PDE4D: variants seen among roughly 807,000 people sequenced by gnomAD.
PDE4D encodes phosphodiesterase 4D, also known as 3',5'-cyclic-AMP phosphodiesterase 4D.
A neutral mutation model predicts 87.4 loss-of-function variants in PDE4D; 24 were observed. The observed-to-expected ratio is 0.27, with a 90% CI of 0.20 to 0.39. PDE4D has a LOEUF of 0.39. Among genes scored for constraint, PDE4D ranks in the 10% least tolerant of loss-of-function variants. PDE4D has a pLI of 1.00. For synonymous variants in PDE4D, 384 were observed against 383.2 expected (o/e 1.00, Z -0.02); for missense variants, 714 against 1,041.0 (o/e 0.69, Z 4.32).
At chr5:60,117,677 T>C (rs1182218647) in intron 2 of PDE4D, among the ~76,000 whole-genome samples, 1 of 152,134 alleles carries the variant, frequency 6.6e-6, no homozygotes, top group Non-Finnish European at 1.5e-5. Context: ...CCTCGCCATC[T>C]TGAATAGTTA....
chr5:60,375,844 T>C (rs527415216), intron 1 of PDE4D, among the ~76,000 whole-genome samples: 3 of 152,158 alleles, frequency 2.0e-5, no homozygotes. Context: ...ATTGAGACCA[T>C]CCTGGCCAAC....
intron 1 of PDE4D, among the ~76,000 whole-genome samples, chr5:60,305,708 T>TAA (rs34949876): frequency 0.029 from 4,109 of 141,628 alleles, 165 homozygotes; most frequent in African/African-American, 0.099. Flanking sequence ...ACTTCTTACT[T>TAA]AAAAAAAAAA....
chr5:59,684,913 A>G (rs539446742), intron 1 of PDE4D, among the ~76,000 whole-genome samples: 2 of 152,290 alleles, frequency 1.3e-5, no homozygotes, highest in East Asian at 3.9e-4. Context: ...CTCAGAGTCA[A>G]ACTTGGATCA....
intron 1 of PDE4D, among the ~76,000 whole-genome samples, chr5:59,409,014 AG>A (rs1306800228): frequency 2.6e-5 from 4 of 151,974 alleles, no homozygotes; most frequent in Non-Finnish European, 4.4e-5. Flanking sequence ...TGGGCATGAC[AG>A]CGGGTGCCTG....
intron 1 of PDE4D, among the ~76,000 whole-genome samples, chr5:60,304,651 C>CAAAAAAAAAAAAAAAAAAAAAAAAAA (rs70975379): frequency 1.7e-5 from 1 of 60,086 alleles, no homozygotes; most frequent in African/African-American, 7.8e-5. Flanking sequence ...GACTCCGTCT[C>CAAAAAAAAAAAAAAAAAAAAAAAAAA]AAAAAAAAAA....
chr5:59,887,525 T>C (rs1213472164), intron 1 of PDE4D, among the ~76,000 whole-genome samples: 3 of 152,178 alleles, frequency 2.0e-5, no homozygotes, highest in African/African-American at 4.8e-5. Flanking sequence ...TTTAAACCTG[T>C]AGATGGATAA....
In PDE4D at chr5:60,126,136, T is replaced by C. The variant is rs564691549; in HGVS notation, c.42+59421A>G. Among the ~76,000 whole-genome samples, 35 of 151,816 alleles carry C rather than the reference T, an allele frequency of 2.3e-4. 1 individual carries two copies. In the South Asian group the frequency reaches 7.1e-3, roughly 31 times the overall value. On this transcript the variant is annotated intron_variant, in intron 2 of 16. Coordinates refer to the PDE4D transcript ENST00000502484. ...CAAGAACAGCCTAAATTGTAATACA[T>C]ATTCAACATTTGACTCGAATAGTGA...
chr5:59,843,803 G>A (rs1186640328), intron 1 of PDE4D, among the ~76,000 whole-genome samples: 1 of 152,092 alleles, frequency 6.6e-6, no homozygotes, highest in Non-Finnish European at 1.5e-5. Flanking sequence ...CCAGGAAGGA[G>A]CTAGATTGAC....
At chr5:59,318,245 T>C (rs767605821) in intron 1 of PDE4D, among the ~76,000 whole-genome samples, 24 of 152,304 alleles carry the variant, frequency 1.6e-4, no homozygotes, top group Non-Finnish European at 2.8e-4. Context: ...TTGTTTCACA[T>C]TGGTCTTTTC....
At chr5:60,416,099 C>G (rs1443962443) in intron 1 of PDE4D, among the ~76,000 whole-genome samples, 1 of 152,042 alleles carries the variant, frequency 6.6e-6, no homozygotes, top group African/African-American at 2.4e-5. Flanking sequence ...TGTAAATACA[C>G]CAATCGACAC....
intron 1 of PDE4D, among the ~76,000 whole-genome samples, chr5:59,400,919 T>G (rs1205638288): frequency 6.6e-6 from 1 of 152,146 alleles, no homozygotes; most frequent in Non-Finnish European, 1.5e-5. Flanking sequence ...TAAATATGCA[T>G]GTATGCATAT....
Position 59,893,392 on chromosome 5 carries a change from C to A in PDE4D, c.231G>T (p.Pro77=). ...PQPQCPLQPP[P]PPPLPPPPPP... ...GCGGGGGCGGCGGCAGGGGGGGCGGCGGCGGCGGCTGTAGCGGACACTGGG... is the reference window on the plus strand; with the variant it reads ...GCGGGGGCGGCGGCAGGGGGGGCGGAGGCGGCGGCTGTAGCGGACACTGGG... The change falls in exon 1 of 15, where the codon CCG becomes CCT. Residue 77 remains proline (P), a synonymous_variant. Coordinates refer to ENST00000340635, the MANE Select transcript of PDE4D (RefSeq NM_001104631.2). 1 of 1,274,394 alleles carries A rather than the reference C, an allele frequency of 7.8e-7. No homozygotes were observed. The highest frequency in any genetic ancestry group is 9.9e-7 in the Non-Finnish European group (1 of 1,007,860). 78.9% of individuals were successfully genotyped at this position (1,274,394 alleles called of 1,614,324 possible).
chr5:59,186,153 T>C (rs776196967), intron 3 of PDE4D, among the ~76,000 whole-genome samples: 1 of 152,046 alleles, frequency 6.6e-6, no homozygotes, highest in Non-Finnish European at 1.5e-5. Flanking sequence ...ACAGCTAGAG[T>C]GCTAAGTTTA....
In PDE4D at chr5:59,360,735, G is replaced by A. The variant is rs560837641; in HGVS notation, c.456-144767C>T. 4.7e-4 allele frequency among the ~76,000 whole-genome samples: 72 copies of A among 152,188 alleles called. 1 individual carries two copies. The highest frequency in any genetic ancestry group is 1.6e-3 in the African/African-American group (68 of 41,538). On this transcript the variant is annotated intron_variant, in intron 1 of 14. Coordinates refer to ENST00000340635, the MANE Select transcript of PDE4D (RefSeq NM_001104631.2). ...CTTATATGAGTCTACTTGATTGAAA[G>A]GTCAATTATTCCATGTTCTGAAATG... is the stretch of plus-strand genomic sequence containing the variant.
At chr5:60,307,643 A>C (rs1013740025) in intron 1 of PDE4D, among the ~76,000 whole-genome samples, 8 of 152,060 alleles carry the variant, frequency 5.3e-5, no homozygotes, top group Non-Finnish European at 1.0e-4. Context: ...TTTACTAGTC[A>C]GCCCTTTCTT....
chr5:59,401,388 C>T (rs1479939951), intron 1 of PDE4D, among the ~76,000 whole-genome samples: 1 of 152,102 alleles, frequency 6.6e-6, no homozygotes, highest in African/African-American at 2.4e-5. Flanking sequence ...TATGGTCATG[C>T]CACTGCACTC....
chr5:60,519,084 C>G (rs1356394813), intron 1 of PDE4D, among the ~76,000 whole-genome samples: 1 of 152,140 alleles, frequency 6.6e-6, no homozygotes, highest in Non-Finnish European at 1.5e-5. Flanking sequence ...TAAAAAGTTG[C>G]TCAAAGGTGA....
At chr5:59,403,680 G>A (rs1050540891) in intron 1 of PDE4D, among the ~76,000 whole-genome samples, 1 of 152,088 alleles carries the variant, frequency 6.6e-6, no homozygotes, top group Non-Finnish European at 1.5e-5. Context: ...TTGTGTATAT[G>A]TACCACATTT....
intron 3 of PDE4D, among the ~76,000 whole-genome samples, chr5:59,957,262 G>A (rs1268404935): frequency 6.6e-6 from 1 of 151,800 alleles, no homozygotes; most frequent in East Asian, 1.9e-4. Context: ...GTTGTGCTTT[G>A]CTTTTGAATA....
Sources: gnomAD v4.1 joint callset for allele counts (sites outside exome capture counted in the v4.1 genomes callset) on GRCh38, gnomAD v4.1.1 for gene constraint, MANE v1.5 for transcripts, NCBI Gene and HGNC (gene_info 2026-07-23, HGNC 2026-07-21) for gene names.